The following PIK3C2G variants were observed in gnomAD, a reference collection of about 807,000 sequenced individuals.
PIK3C2G encodes phosphatidylinositol-4-phosphate 3-kinase catalytic subunit type 2 gamma.
PIK3C2G carries 168 observed loss-of-function variants against 181.1 expected under a neutral mutation model. The observed-to-expected ratio is 0.93, with a 90% CI of 0.82 to 1.05. The LOEUF (loss-of-function observed/expected upper bound fraction) is 1.05, where lower values mean the gene tolerates loss of function less well. Ranked by LOEUF, PIK3C2G falls within the 50% of genes least tolerant of loss-of-function variation. PIK3C2G has a pLI of 0.00. For synonymous variants in PIK3C2G, 573 were observed against 592.2 expected (o/e 0.97, Z 0.47); for missense variants, 1,869 against 1,732.8 (o/e 1.08, Z -1.40).
intron 30 of PIK3C2G, among the ~76,000 whole-genome samples, chr12:18,603,741 T>G (rs1947856242): frequency 6.6e-6 from 1 of 152,094 alleles, no homozygotes; most frequent in Non-Finnish European, 1.5e-5. Flanking sequence ...AAAACAATTA[T>G]CAGCCAAGAG....
At chr12:18,612,746 T>C (rs902774171) in intron 31 of PIK3C2G, among the ~76,000 whole-genome samples, 2 of 152,170 alleles carry the variant, frequency 1.3e-5, no homozygotes, top group East Asian at 1.9e-4. Context: ...TAGACTAACA[T>C]TGTGCTGGAT....
At chr12:18,278,667 A>T (rs908646467) in intron 1 of PIK3C2G, among the ~76,000 whole-genome samples, 1 of 152,108 alleles carries the variant, frequency 6.6e-6, no homozygotes, top group Non-Finnish European at 1.5e-5. Context: ...ATTGCTCTTA[A>T]ACTACATGTG....
intron 18 of PIK3C2G, among the ~76,000 whole-genome samples, chr12:18,432,468 A>C (rs1946216001): frequency 6.6e-6 from 1 of 152,100 alleles, no homozygotes; most frequent in Non-Finnish European, 1.5e-5. Context: ...GCTTCCTTAG[A>C]TAGTAATCTG....
chr12:18,604,250 T>C (rs1277629756), intron 30 of PIK3C2G, among the ~76,000 whole-genome samples: 1 of 152,158 alleles, frequency 6.6e-6, no homozygotes, highest in African/African-American at 2.4e-5. Flanking sequence ...GCTATTCTTA[T>C]ATCAGACAAA....
At chr12:18,475,539 A>G (rs1938904980) in intron 18 of PIK3C2G, among the ~76,000 whole-genome samples, 1 of 151,902 alleles carries the variant, frequency 6.6e-6, no homozygotes, top group Non-Finnish European at 1.5e-5. Flanking sequence ...TTTACCAACG[A>G]TGGGGGTTCA....
At chr12:18,249,924 C>CT (rs930389364) in intron 1 of PIK3C2G, among the ~76,000 whole-genome samples, 11 of 89,014 alleles carry the variant, frequency 1.2e-4, no homozygotes, top group South Asian at 3.9e-4. Flanking sequence ...CTAATAGTTC[C>CT]TTTTTAAAAA....
chr12:18,653,646 C>T, the PIK3C2G span, among the ~76,000 whole-genome samples: 6 of 152,146 alleles, frequency 3.9e-5, no homozygotes, highest in Non-Finnish European at 8.8e-5. Flanking sequence ...CAAAACCAAA[C>T]GAATTCAAGT....
the PIK3C2G span, among the ~76,000 whole-genome samples, chr12:18,694,723 A>G: frequency 6.6e-6 from 1 of 152,272 alleles, no homozygotes; most frequent in Admixed American, 6.5e-5. Context: ...CATTCATGTA[A>G]AATTACAACA....
chr12:18,367,461 C>T (rs1436879503), intron 12 of PIK3C2G, among the ~76,000 whole-genome samples: 2 of 152,142 alleles, frequency 1.3e-5, no homozygotes, highest in African/African-American at 2.4e-5. Flanking sequence ...CTTTATTTTT[C>T]TCCATTAAGT....
the PIK3C2G span, chr12:18,685,440 A>G: frequency 5.0e-6 from 1 of 198,072 alleles, no homozygotes; most frequent in South Asian, 9.0e-5. Flanking sequence ...TTTCATTTAC[A>G]AAGGCAATGC....
intron 17 of PIK3C2G, among the ~76,000 whole-genome samples, chr12:18,423,660 C>G (rs1051553016): frequency 2.0e-5 from 3 of 152,088 alleles, no homozygotes; most frequent in Non-Finnish European, 4.4e-5. Flanking sequence ...CTTTTTGTGT[C>G]AGTATTCTCC....
intron 25 of PIK3C2G, among the ~76,000 whole-genome samples, chr12:18,542,158 A>G (rs1339349712): frequency 6.6e-6 from 1 of 151,840 alleles, no homozygotes; most frequent in Non-Finnish European, 1.5e-5. Context: ...TTCAGACCTT[A>G]CAGAAGAAGC....
intron 18 of PIK3C2G, among the ~76,000 whole-genome samples, chr12:18,432,905 A>C (rs745843957): frequency 6.6e-6 from 1 of 152,206 alleles, no homozygotes; most frequent in Non-Finnish European, 1.5e-5. Flanking sequence ...ACTTTCAAAA[A>C]AGGGTAATTT....
intron 13 of PIK3C2G, among the ~76,000 whole-genome samples, chr12:18,371,999 A>G (rs1299376537): frequency 6.6e-6 from 1 of 152,186 alleles, no homozygotes; most frequent in African/African-American, 2.4e-5. Flanking sequence ...ATCAGAACAT[A>G]TATTGTAATG....
At chr12:18,693,022 A>G in the PIK3C2G span, 1 of 1,427,744 alleles carries the variant, frequency 7.0e-7, no homozygotes, top group East Asian at 2.3e-5. Flanking sequence ...ATTAGAAATC[A>G]GGAACAAATG....
chr12:18,374,240 C>T (rs1008059408), intron 13 of PIK3C2G, among the ~76,000 whole-genome samples: 7 of 152,044 alleles, frequency 4.6e-5, no homozygotes, highest in South Asian at 2.1e-4. Flanking sequence ...AGTTTAAAAC[C>T]TTGAAAAATC....
At chr12:18,492,739 G>A (rs1452210104) in intron 20 of PIK3C2G, among the ~76,000 whole-genome samples, 1 of 152,164 alleles carries the variant, frequency 6.6e-6, no homozygotes, top group East Asian at 1.9e-4. Context: ...TAAAGGAGAA[G>A]AGTGTTTTTG....
chr12:18,412,067 C>T (rs1349058272), intron 16 of PIK3C2G, among the ~76,000 whole-genome samples: 1 of 152,030 alleles, frequency 6.6e-6, no homozygotes, highest in Non-Finnish European at 1.5e-5. Context: ...TTGACATTTG[C>T]CTAAATCCTC....
chr12:18,377,638 G>C (rs904324508), intron 13 of PIK3C2G, among the ~76,000 whole-genome samples: 48 of 152,086 alleles, frequency 3.2e-4, no homozygotes, highest in African/African-American at 1.1e-3. Context: ...GGTAATAAAG[G>C]CAGGCTCCAG....
Sources: allele counts gnomAD v4.1 joint callset (sites outside exome capture counted in the v4.1 genomes callset), GRCh38; gene constraint gnomAD v4.1.1; transcripts MANE v1.5; gene names NCBI Gene and HGNC (gene_info 2026-07-23, HGNC 2026-07-21).